DOCK2: variants seen among roughly 807,000 people sequenced by gnomAD.
DOCK2 encodes dedicator of cytokinesis protein 2.
DOCK2 carries 87 observed loss-of-function variants against 248.9 expected under a neutral mutation model. The ratio of observed to expected loss-of-function variants is 0.35; its 90% CI spans 0.29 to 0.42. The LOEUF (loss-of-function observed/expected upper bound fraction) is 0.42. Among genes scored for constraint, DOCK2 ranks in the 10% least tolerant of loss-of-function variants. The probability of loss-of-function intolerance (pLI) is 1.00; values close to 1 mark genes in which losing one functional copy is unlikely to be tolerated. For synonymous variants in DOCK2, 805 were observed against 821.6 expected, an observed-to-expected ratio of 0.98 and a Z score of 0.35; for missense variants, 1,747 against 2,300.2, an observed-to-expected ratio of 0.76 and a Z score of 4.92.
At position 169,964,460 on chromosome 5, in the gene DOCK2, C is replaced by T. The variant is rs148878227; in HGVS notation, c.2800-18608C>T. On this transcript the variant is annotated intron_variant, in intron 27 of 51. Transcript: ENST00000520908. The stretch of plus-strand genomic sequence containing the variant: ...AGAGGCCTGGGAGGGGGCAGCTAGA[C>T]GCAGTGAACTGTGTCAGACAGGTGG... Among the ~76,000 whole-genome samples the T allele has an allele frequency of 1.5e-3, 236 of 152,362 alleles. 2 individuals are homozygous for T. Among genetic ancestry groups the T allele is most frequent in the South Asian group, 3.9e-3 (19 of 4,830 alleles).
chr5:169,983,048 T>C lies in DOCK2; in HGVS notation c.2800-20T>C, dbSNP rs756442211. 5 of 1,613,224 alleles carry C rather than the reference T, an allele frequency of 3.1e-6. No individual in the cohort carries two copies. The African/African-American group carries it at 5.3e-5, about 17-fold the overall frequency. On this transcript the variant is annotated intron_variant, in intron 27 of 51. Coordinates refer to ENST00000520908, the MANE Select transcript of DOCK2 (RefSeq NM_004946.3). ...GGTCCTCTCTCAACTATTTATAGTA[T>C]TTGTCTTCATTTCTTGCAGAGTCAC... is the stretch of plus-strand genomic sequence containing the variant.
At chr5:169,797,149 T>G (rs1211525723) in intron 25 of DOCK2, among the ~76,000 whole-genome samples, 2 of 152,224 alleles carry the variant, frequency 1.3e-5, no homozygotes, top group African/African-American at 4.8e-5. Context: ...TTTCTTTGCT[T>G]GGTTGACTGT....
chr5:170,027,001 C>T (rs1755940249), intron 33 of DOCK2, among the ~76,000 whole-genome samples: 1 of 152,100 alleles, frequency 6.6e-6, no homozygotes, highest in Non-Finnish European at 1.5e-5. Flanking sequence ...TCAGGTGTGG[C>T]TGAATGCAGG....
At chr5:169,953,776 C>T (rs1394596615) in intron 27 of DOCK2, among the ~76,000 whole-genome samples, 1 of 152,198 alleles carries the variant, frequency 6.6e-6, no homozygotes, top group African/African-American at 2.4e-5. Flanking sequence ...CCTCGGGAGA[C>T]ACCTGGGATG....
intron 27 of DOCK2, among the ~76,000 whole-genome samples, chr5:169,966,410 G>A (rs1224402387): frequency 6.6e-6 from 1 of 152,164 alleles, no homozygotes; most frequent in Non-Finnish European, 1.5e-5. Flanking sequence ...GTGCTGGTAT[G>A]CTTAAGTGTA....
At chr5:169,702,715 A>ATTTG (rs3075534) in intron 14 of DOCK2, 5 of 195,596 alleles carry the variant, frequency 2.6e-5, no homozygotes, top group Non-Finnish European at 5.2e-5. Flanking sequence ...TTATTTATTT[A>ATTTG]CTTTTGCTTG....
At chr5:169,761,660 G>A (rs1764495544) in intron 25 of DOCK2, 35 bp downstream of exon 25, 5 of 1,582,044 alleles carry the variant, frequency 3.2e-6, no homozygotes, top group Non-Finnish European at 4.3e-6. Context: ...GGTGGGGTAA[G>A]GGGCCAATAA....
In DOCK2 at chr5:169,992,920, A is replaced by G. The variant is rs548813955; in HGVS notation, c.2994-3166A>G. Reference sequence around the variant, plus strand: ...AGGGAGGAACTTTGATTTACCTGCTACTAATCCCCATCATCAGCACAGGGG... The same window carrying G: ...AGGGAGGAACTTTGATTTACCTGCTGCTAATCCCCATCATCAGCACAGGGG... On this transcript the variant is annotated intron_variant, in intron 29 of 51. Coordinates refer to ENST00000520908, the MANE Select transcript of DOCK2 (RefSeq NM_004946.3). 5.3e-5 allele frequency among the ~76,000 whole-genome samples: 8 copies of G among 152,290 alleles called. No individual in the cohort carries two copies. The South Asian group carries it at 1.5e-3, about 28-fold the overall frequency.
At position 169,894,837 on chromosome 5, in the gene DOCK2, G is replaced by A. The variant is rs893939251; in HGVS notation, c.2799+53985G>A. ...AATCCCAGGTTTTGAGAGTCCATGC[G>A]GGGGTTGTGGCAAATCTCAAGTAAC... On this transcript the variant is annotated intron_variant, in intron 27 of 51. Coordinates refer to ENST00000520908, the MANE Select transcript of DOCK2 (RefSeq NM_004946.3). Among the ~76,000 whole-genome samples the A allele has an allele frequency of 5.3e-5, 8 of 152,162 alleles. No individual in the cohort carries two copies. In the South Asian group the frequency reaches 6.2e-4, roughly 12 times the overall value.
chr5:169,907,061 G>A (rs906942005), intron 27 of DOCK2, among the ~76,000 whole-genome samples: 3 of 152,156 alleles, frequency 2.0e-5, no homozygotes, highest in Non-Finnish European at 2.9e-5. Context: ...CAATCCTGTA[G>A]GTGAAAAGAT....
At chr5:169,717,834 G>T (rs998330504) in intron 21 of DOCK2, among the ~76,000 whole-genome samples, 1 of 152,188 alleles carries the variant, frequency 6.6e-6, no homozygotes, top group African/African-American at 2.4e-5. Context: ...GGCTGAGATA[G>T]GTGGATCACC....
At chr5:169,993,513 C>A (rs1326208499) in intron 29 of DOCK2, among the ~76,000 whole-genome samples, 1 of 151,618 alleles carries the variant, frequency 6.6e-6, no homozygotes, top group East Asian at 1.9e-4. Context: ...CAATTCCACA[C>A]AGCTGGAGAG....
At chr5:169,847,140 G>T (rs1295002323) in intron 27 of DOCK2, among the ~76,000 whole-genome samples, 4 of 152,178 alleles carry the variant, frequency 2.6e-5, no homozygotes, top group Non-Finnish European at 5.9e-5. Context: ...ATTGCGATTT[G>T]TGCTGCTATA....
intron 2 of DOCK2, among the ~76,000 whole-genome samples, chr5:169,667,118 T>C (rs892394177): frequency 6.6e-6 from 1 of 152,186 alleles, no homozygotes; most frequent in African/African-American, 2.4e-5. Context: ...GAGATGCAGA[T>C]GTGGACATGA....
chr5:169,774,658 C>T (rs1044372499), intron 25 of DOCK2, among the ~76,000 whole-genome samples: 1 of 152,172 alleles, frequency 6.6e-6, no homozygotes, highest in Non-Finnish European at 1.5e-5. Flanking sequence ...GCAGGTAATA[C>T]AAATGAGTGA....
chr5:169,689,120 T>C (rs1208787778), intron 8 of DOCK2, 132 bp from the exon 9 acceptor site: 1 of 734,826 alleles, frequency 1.4e-6, no homozygotes, highest in Admixed American at 2.5e-5. Flanking sequence ...AAGGACCATG[T>C]CTTTCTTAAA....
At chr5:169,940,523 A>T (rs988585179) in intron 27 of DOCK2, among the ~76,000 whole-genome samples, 11 of 152,180 alleles carry the variant, frequency 7.2e-5, no homozygotes, top group African/African-American at 2.7e-4. Context: ...TATACAACTC[A>T]CCTTAATGTA....
chr5:169,746,548 T>C (rs1763625311), intron 22 of DOCK2, among the ~76,000 whole-genome samples: 1 of 152,186 alleles, frequency 6.6e-6, no homozygotes, highest in African/African-American at 2.4e-5. Flanking sequence ...TTCTGTGCAT[T>C]TCACACTGGA....
At chr5:169,769,644 T>C (rs1764977362) in intron 25 of DOCK2, among the ~76,000 whole-genome samples, 1 of 152,236 alleles carries the variant, frequency 6.6e-6, no homozygotes, top group African/African-American at 2.4e-5. Context: ...AGATTCTGAC[T>C]CTGAATATCT....
Sources: gnomAD v4.1 joint callset for allele counts (sites outside exome capture counted in the v4.1 genomes callset) on GRCh38, gnomAD v4.1.1 for gene constraint, MANE v1.5 for transcripts, NCBI Gene and HGNC (gene_info 2026-07-23, HGNC 2026-07-21) for gene names.